Variants in BNIP2 observed in about 807,000 individuals in gnomAD.
BNIP2 encodes BCL2 interacting protein 2, also known as BCL2/adenovirus E1B 19 kDa protein-interacting protein 2.
In BNIP2, 36 loss-of-function variants were observed where a neutral mutation model predicts 43.4. The ratio of observed to expected loss-of-function variants is 0.83; its 90% confidence interval spans 0.64 to 1.10. The LOEUF (loss-of-function observed/expected upper bound fraction) is 1.10. Ranked by LOEUF, BNIP2 falls within the 50% of genes least tolerant of loss-of-function variation. BNIP2 has a pLI of 0.00. For synonymous variants in BNIP2, 146 were observed against 121.0 expected (o/e 1.21, Z -1.35); for missense variants, 417 against 374.1 (o/e 1.11, Z -0.95).
At chr15:59,673,442 A>G (rs747594400) in intron 5 of BNIP2, among the ~76,000 whole-genome samples, 41 of 151,824 alleles carry the variant, frequency 2.7e-4, no homozygotes, top group Middle Eastern at 3.2e-3. Context: ...ATTTTTTTTT[A>G]GAGGATAGCA....
In BNIP2 at chr15:59,663,800, C is replaced by G. The variant is rs1306127457; in HGVS notation, c.*269G>C. ...ATTCAATAAACAAATGCAAAAACTA[C>G]TTTATATAAAGTGTGGTTCTCTATT... On this transcript the variant is annotated 3_prime_UTR_variant, in exon 10 of 10. Transcript: ENST00000607373. 1 of 280,332 alleles carries G rather than the reference C, an allele frequency of 3.6e-6. No individual in the cohort carries two copies. The highest frequency in any genetic ancestry group is 2.2e-5 in the African/African-American group (1 of 45,722). The allele number at this position is 280,332 out of a possible 1,614,324, so 17.4% of individuals were successfully genotyped here.
chr15:59,673,068 A>G (rs1393695870), intron 5 of BNIP2, among the ~76,000 whole-genome samples: 1 of 152,148 alleles, frequency 6.6e-6, no homozygotes, highest in Non-Finnish European at 1.5e-5. Flanking sequence ...ACACAATACA[A>G]TAACTGCAAT....
At chr15:59,688,959 CG>C in intron 1 of BNIP2, 175 bp downstream of exon 1, 1 of 1,441,940 alleles carries the variant, frequency 6.9e-7, no homozygotes, top group Non-Finnish European at 9.1e-7. Flanking sequence ...CTAAGCAGGG[CG>C]GGGATCCAGG....
In BNIP2 at chr15:59,682,314, A is replaced by C. The variant is rs544067983; in HGVS notation, c.50+94T>G. On this transcript the variant is annotated intron_variant, in intron 2 of 9. Coordinates refer to ENST00000607373, the MANE Select transcript of BNIP2 (RefSeq NM_004330.4). ...TGCACTCCAGCCTGGGCAACAGAGC[A>C]AGACTCCGTCTCAAAAAAAAAAAAA... is the stretch of plus-strand genomic sequence containing the variant. 1.1e-4 allele frequency: 120 copies of C among 1,119,168 alleles called. 1 individual carries two copies. In the East Asian group the frequency reaches 3.0e-3, roughly 28 times the overall value. 69.3% of individuals were successfully genotyped at this position (1,119,168 alleles called of 1,614,324 possible).
At chr15:59,672,864 T>C (rs1893022435) in intron 5 of BNIP2, 125 bp from the exon 6 acceptor site, 1 of 628,312 alleles carries the variant, frequency 1.6e-6, no homozygotes, top group Admixed American at 3.2e-5. Flanking sequence ...GTATTAAATG[T>C]ATGTTTTGTA....
chr15:59,674,940 G>GAA (rs1457700835), intron 5 of BNIP2, among the ~76,000 whole-genome samples: 6 of 152,142 alleles, frequency 3.9e-5, no homozygotes, highest in Middle Eastern at 3.2e-3. Flanking sequence ...AGTGTGGAGT[G>GAA]AACTAGTTCT....
chr15:59,678,440 C>T (rs1218417159), intron 4 of BNIP2: 4 of 1,075,660 alleles, frequency 3.7e-6, no homozygotes, highest in Non-Finnish European at 4.5e-6. Flanking sequence ...TTCTCCCTGG[C>T]AGTTATGACT....
chr15:59,671,954 C>A (rs761759685), intron 6 of BNIP2, among the ~76,000 whole-genome samples: 3 of 152,120 alleles, frequency 2.0e-5, no homozygotes, highest in Non-Finnish European at 4.4e-5. Context: ...CATGTGCCTG[C>A]AGTCCCAGCC....
intron 7 of BNIP2, among the ~76,000 whole-genome samples, chr15:59,669,747 G>A (rs939260706): frequency 9.9e-5 from 15 of 152,230 alleles, no homozygotes; most frequent in African/African-American, 3.6e-4. Context: ...GAAAAGCACT[G>A]TGCAGGCAGA....
chr15:59,677,746 G>A, intron 5 of BNIP2, 165 bp downstream of exon 5: 2 of 1,170,026 alleles, frequency 1.7e-6, no homozygotes, highest in Non-Finnish European at 2.2e-6. Context: ...AAGCCCTCCA[G>A]GAACTGGTTA....
chr15:59,677,601 A>T (rs746082156), intron 5 of BNIP2, among the ~76,000 whole-genome samples: 25 of 152,334 alleles, frequency 1.6e-4, no homozygotes, highest in Non-Finnish European at 3.2e-4. Flanking sequence ...AGCAAAGAAC[A>T]TTGGGAAATT....
rs373080895 is a variant in BNIP2 at position 59,669,329 on chromosome 15, T to G, written c.741A>C (p.Val247=). 1 of 1,545,686 alleles carries G rather than the reference T, an allele frequency of 6.5e-7. No individual in the cohort carries two copies. Among genetic ancestry groups the G allele is most frequent in the Non-Finnish European group, 8.7e-7 (1 of 1,152,646 alleles). The change falls in exon 8 of 10, where the codon GTA becomes GTC. Residue 247 remains valine, a synonymous_variant. Transcript: ENST00000607373. ...LRKNLKSLII[V]HPSWFIRTLL... is the part of the protein sequence containing the mutation. ...GTGTTCTGATAAACCAAGAAGGATGTACAATGATTAGGGATTTTAGATTTT... is the reference window on the plus strand; with the variant it reads ...GTGTTCTGATAAACCAAGAAGGATGGACAATGATTAGGGATTTTAGATTTT...
chr15:59,665,047 C>T (rs1398903656), intron 9 of BNIP2, among the ~76,000 whole-genome samples: 3 of 151,922 alleles, frequency 2.0e-5, no homozygotes, highest in African/African-American at 7.3e-5. Flanking sequence ...GGGTGGATCA[C>T]GAGGTCAGGA....
chr15:59,668,138 C>T (rs1026139991), intron 9 of BNIP2: 1 of 1,281,672 alleles, frequency 7.8e-7, no homozygotes, highest in Non-Finnish European at 1.0e-6. Flanking sequence ...CTTCTTCATA[C>T]CTTTGTAGGG....
Position 59,659,958 on chromosome 15 carries a change from C to T in BNIP2, c.*4111G>A, listed in dbSNP as rs1238894054. ...TATTTTCAATTATCCTTTAGAACTT[C>T]AAAGGAAAGTTACATAACTGGGTCT... is the stretch of plus-strand genomic sequence containing the variant. On this transcript the variant is annotated 3_prime_UTR_variant, in exon 10 of 10. Coordinates refer to ENST00000607373, the MANE Select transcript of BNIP2 (RefSeq NM_004330.4). 1.3e-5 allele frequency: 2 copies of T among 152,142 alleles called. No individual in the cohort carries two copies. Among genetic ancestry groups the T allele is most frequent in the Non-Finnish European group, 2.9e-5 (2 of 68,028 alleles). The allele number at this position is 152,142 out of a possible 1,614,324, so 9.4% of individuals were successfully genotyped here.
chr15:59,676,922 T>C lies in BNIP2; in HGVS notation c.472+989A>G. The stretch of plus-strand genomic sequence containing the variant: ...GGTGTGGCTGGCAGCCTACGGACTC[T>C]TCACCCTCTGCGAGAACAGCATGAT... On this transcript the variant is annotated intron_variant, in intron 5 of 9. Transcript: ENST00000607373. 5.0e-6 allele frequency: 8 copies of C among 1,608,640 alleles called. No homozygotes were observed. In the South Asian group the frequency reaches 7.7e-5, roughly 16 times the overall value.
intron 5 of BNIP2, among the ~76,000 whole-genome samples, chr15:59,675,101 T>C (rs1254785666): frequency 1.3e-5 from 2 of 151,428 alleles, no homozygotes; most frequent in Non-Finnish European, 2.9e-5. Flanking sequence ...ATACAAAAAT[T>C]AGCCAGGCGT....
At chr15:59,672,486 G>A in intron 6 of BNIP2, 151 bp downstream of exon 6, 1 of 555,534 alleles carries the variant, frequency 1.8e-6, no homozygotes, top group African/African-American at 1.9e-5. Context: ...CGCCTAGGCT[G>A]GTCTCCAACT....
At chr15:59,684,247 G>A (rs1437946121) in intron 1 of BNIP2, among the ~76,000 whole-genome samples, 1 of 151,864 alleles carries the variant, frequency 6.6e-6, no homozygotes, top group African/African-American at 2.4e-5. Flanking sequence ...TGTTACCACA[G>A]AAAAAAAATG....
Sources: allele counts gnomAD v4.1 joint callset (sites outside exome capture counted in the v4.1 genomes callset), GRCh38; gene constraint gnomAD v4.1.1; transcripts MANE v1.5; gene names NCBI Gene and HGNC (gene_info 2026-07-23, HGNC 2026-07-21).